Variants in USP7 observed in about 807,000 individuals in gnomAD.
USP7 encodes ubiquitin specific peptidase 7.
Under a neutral mutation model 162.9 loss-of-function variants are expected in USP7, and 9 were observed. That is an observed-to-expected ratio of 0.06 (90% CI 0.03 to 0.10). USP7 has a LOEUF of 0.10. Ranked by LOEUF, USP7 falls within the 10% of genes least tolerant of loss-of-function variation. The pLI is 1.00. For synonymous variants in USP7, 562 were observed against 475.9 expected, an observed-to-expected ratio of 1.18 and a Z score of -2.35; for missense variants, 715 against 1,373.7, an observed-to-expected ratio of 0.52 and a Z score of 7.58.
intron 1 of USP7, chr16:8,935,759 C>A (rs1418664184): frequency 6.6e-6 from 1 of 152,256 alleles, no homozygotes; most frequent in Middle Eastern, 3.4e-3. Flanking sequence ...TTTTGAAACA[C>A]CAAGTAGGCT....
intron 1 of USP7, among the ~76,000 whole-genome samples, chr16:8,946,044 G>A (rs1899258760): frequency 6.6e-6 from 1 of 152,100 alleles, no homozygotes; most frequent in Non-Finnish European, 1.5e-5. Context: ...TTTGACAAAG[G>A]TACAAAAGCA....
At chr16:8,909,028 T>C (rs1461636442) in intron 11 of USP7, among the ~76,000 whole-genome samples, 1 of 152,182 alleles carries the variant, frequency 6.6e-6, no homozygotes, top group Non-Finnish European at 1.5e-5. Flanking sequence ...TCTAAGAAAA[T>C]GTTCTGATTC....
intron 6 of USP7, among the ~76,000 whole-genome samples, chr16:8,917,753 CT>C: frequency 6.6e-6 from 1 of 152,262 alleles, no homozygotes; most frequent in Non-Finnish European, 1.5e-5. Flanking sequence ...CAGAGAACTA[CT>C]TTTATTTCCT....
intron 15 of USP7, 43 bp downstream of exon 15, chr16:8,904,392 C>A: frequency 6.2e-7 from 1 of 1,605,710 alleles, no homozygotes. Context: ...GATGGGTGCC[C>A]GGCTGCATGG....
chr16:8,898,481 C>T (rs1369780826), intron 24 of USP7, 44 bp from the exon 25 acceptor site: 3 of 1,606,070 alleles, frequency 1.9e-6, no homozygotes, highest in Non-Finnish European at 8.5e-7. Context: ...GTCACCAAAA[C>T]CCCGAGCCTT....
intron 1 of USP7, among the ~76,000 whole-genome samples, chr16:8,944,888 G>A (rs1412458368): frequency 7.0e-6 from 1 of 142,762 alleles, no homozygotes; most frequent in Non-Finnish European, 1.5e-5. Context: ...GGGGCAGATC[G>A]AATGAGGTCA....
At chr16:8,937,360 G>T (rs1237911274) in intron 1 of USP7, among the ~76,000 whole-genome samples, 1 of 152,102 alleles carries the variant, frequency 6.6e-6, no homozygotes, top group African/African-American at 2.4e-5. Flanking sequence ...GCCTGGCCAT[G>T]GCAAAACCCC....
chr16:8,900,057 G>C (rs1182136858), intron 21 of USP7: 10 of 463,790 alleles, frequency 2.2e-5, no homozygotes, highest in Non-Finnish European at 3.1e-5. Context: ...CCCAGACGCA[G>C]TGTCTTGCCC....
rs1897809427 is a variant in USP7 at position 8,923,393 on chromosome 16, C to T, written c.205G>A (p.Ala69Thr). ...MEDDTSWRSE[A>T]TFQFTVERFS... ...CGCTCCACAGTGAACTGAAAGGTTG[C>T]CTCGGAGCGCCAACTGGTGTCTGCA... The change falls in exon 3 of 31, where the codon GCA becomes ACA. Residue 69 changes from alanine (A) to threonine (T), a missense_variant. Ala to Thr is a moderately conservative substitution (Grantham distance 58). This residue lies in a region of USP7 where 137 missense variants were observed against 123.5 expected (regional missense o/e 1.11). Transcript: ENST00000344836. 1 of 1,614,204 alleles carries T rather than the reference C, an allele frequency of 6.2e-7. No individual in the cohort carries two copies. The highest frequency in any genetic ancestry group is 8.5e-7 in the Non-Finnish European group (1 of 1,180,040).
At chr16:8,954,679 A>G (rs1346855244) in intron 1 of USP7, among the ~76,000 whole-genome samples, 1 of 152,232 alleles carries the variant, frequency 6.6e-6, no homozygotes, top group Non-Finnish European at 1.5e-5. Context: ...GCGTAGTTTA[A>G]TAACAGCAAT....
In USP7 at chr16:8,899,756, C is replaced by T; in HGVS notation, c.2311G>A (p.Asp771Asn). ...TCACTGTTATCATTTTCAGGGTCATCCCTGGTGGAGGGAGAAAGTTTGCAG... is the reference window on the plus strand; with the variant it reads ...TCACTGTTATCATTTTCAGGGTCATTCCTGGTGGAGGGAGAAAGTTTGCAG... ...MDGDIIVFQKDDPENDNSELP... is the reference protein window; with the variant it reads ...MDGDIIVFQKNDPENDNSELP... The change falls in exon 22 of 31, where the codon GAT (aspartate) becomes AAT (asparagine). Residue 771 changes from aspartate to asparagine, a missense_variant and splice_region_variant. By Grantham distance (23) the Asp-to-Asn change is conservative. Coordinates refer to ENST00000344836, the MANE Select transcript of USP7 (RefSeq NM_003470.3). 6.2e-7 allele frequency: 1 copy of T among 1,614,142 alleles called. No homozygotes were observed. Among genetic ancestry groups the T allele is most frequent in the Non-Finnish European group, 8.5e-7 (1 of 1,180,010 alleles).
intron 5 of USP7, 63 bp downstream of exon 5, chr16:8,920,296 A>G (rs1897616835): frequency 4.9e-6 from 7 of 1,427,350 alleles, no homozygotes; most frequent in Non-Finnish European, 6.8e-6. Flanking sequence ...CATGCACGCT[A>G]AAGCTTCTTT....
intron 1 of USP7, chr16:8,962,659 T>C: frequency 4.7e-6 from 1 of 212,748 alleles, no homozygotes; most frequent in Non-Finnish European, 1.0e-5. Context: ...GTCCAAAACC[T>C]GACAACATCT....
chr16:8,909,987 CAGA>C (rs1275168030), intron 11 of USP7, among the ~76,000 whole-genome samples: 2 of 152,140 alleles, frequency 1.3e-5, no homozygotes, highest in Non-Finnish European at 2.9e-5. Flanking sequence ...ACTGACCTAG[CAGA>C]AGAGTACATT....
At chr16:8,961,680 A>G (rs1900022339) in intron 1 of USP7, among the ~76,000 whole-genome samples, 1 of 152,146 alleles carries the variant, frequency 6.6e-6, no homozygotes, top group Non-Finnish European at 1.5e-5. Flanking sequence ...GTGTTATTGG[A>G]TATTTGTCTT....
intron 2 of USP7, among the ~76,000 whole-genome samples, chr16:8,929,839 C>T (rs191153825): frequency 1.4e-3 from 206 of 152,346 alleles, no homozygotes; most frequent in African/African-American, 4.7e-3. Flanking sequence ...AAGGCCAAAG[C>T]TTGAATCTGA....
chr16:8,960,790 G>T (rs897095013), intron 1 of USP7, among the ~76,000 whole-genome samples: 1 of 152,158 alleles, frequency 6.6e-6, no homozygotes, highest in Non-Finnish European at 1.5e-5. Context: ...CATTCCAATC[G>T]TAAGGCTAGT....
chr16:8,923,274 G>A lies in USP7; in HGVS notation c.324C>T (p.Asp108=), dbSNP rs146480699. 8.6e-6 allele frequency: 13 copies of A among 1,517,854 alleles called. No homozygotes were observed. The highest frequency in any genetic ancestry group is 1.7e-4 in the Middle Eastern group (1 of 5,752). The allele number at this position is 1,517,854 out of a possible 1,614,324, so 94.0% of individuals were successfully genotyped here. The stretch of plus-strand genomic sequence containing the variant: ...ATCCTACGCTTTTTTGGTGTGGTCT[G>A]TCTGGATAAAAGCGTGGCATCACCA... The part of the protein sequence containing the change: ...KIMVMPRFYP[D]RPHQKSVGFF... Residue 108 remains aspartate, a synonymous_variant, in exon 3 of 31, where the codon GAC becomes GAT. Transcript: ENST00000344836.
intron 25 of USP7, among the ~76,000 whole-genome samples, chr16:8,897,663 A>T (rs1200574081): frequency 7.6e-6 from 1 of 131,132 alleles, no homozygotes; most frequent in Non-Finnish European, 1.6e-5. Context: ...GGAGCTCAAG[A>T]CCAGTCTGGG....
Sources: gnomAD v4.1 joint callset for allele counts (sites outside exome capture counted in the v4.1 genomes callset) on GRCh38, gnomAD v4.1.1 for gene constraint, gnomAD v4.1.1 regional missense constraint, MANE v1.5 for transcripts, NCBI Gene and HGNC (gene_info 2026-07-23, HGNC 2026-07-21) for gene names.